Variants in SUCLA2 observed in about 807,000 individuals in gnomAD.
SUCLA2 encodes the protein succinate--CoA ligase [ADP-forming] subunit beta, mitochondrial.
A neutral mutation model predicts 54.8 loss-of-function variants in SUCLA2; 30 were observed. The ratio of observed to expected loss-of-function variants is 0.55; its 90% confidence interval spans 0.41 to 0.74. The LOEUF is 0.74. Among genes scored for constraint, SUCLA2 ranks in the 30% least tolerant of loss-of-function variants. SUCLA2 has a pLI of 0.00. For synonymous variants in SUCLA2, 172 were observed against 188.9 expected (o/e 0.91, Z 0.74); for missense variants, 476 against 562.9 (o/e 0.85, Z 1.56).
At chr13:47,976,096 T>C (rs1358062821) in intron 4 of SUCLA2, among the ~76,000 whole-genome samples, 1 of 151,770 alleles carries the variant, frequency 6.6e-6, no homozygotes, top group African/African-American at 2.4e-5. Context: ...AAATTTAAAA[T>C]TAAAAAAAAA....
intron 5 of SUCLA2, among the ~76,000 whole-genome samples, chr13:47,970,696 C>T (rs1369566687): frequency 2.0e-5 from 3 of 151,992 alleles, no homozygotes; most frequent in African/African-American, 7.2e-5. Flanking sequence ...CCCATCTCTA[C>T]TAAAAATACA....
intron 6 of SUCLA2, 39 bp downstream of exon 6, chr13:47,968,556 T>C (rs1350719920): frequency 6.2e-7 from 1 of 1,608,830 alleles, no homozygotes; most frequent in Non-Finnish European, 8.5e-7. Context: ...ATTAGAGAAA[T>C]AAATGCATAA....
intron 6 of SUCLA2, among the ~76,000 whole-genome samples, chr13:47,965,926 T>C (rs1414309012): frequency 6.6e-6 from 1 of 152,138 alleles, no homozygotes; most frequent in East Asian, 1.9e-4. Context: ...TGAGCACCTG[T>C]AGTCCCAGCT....
chr13:47,943,165 G>A lies in SUCLA2; in HGVS notation c.*206C>T, dbSNP rs556220566. ...AGACTGGCTGCGACAAAAGAAAGAAGATAACTGCATTATACATGCTTCGTA... is the reference window on the plus strand; with the variant it reads ...AGACTGGCTGCGACAAAAGAAAGAAAATAACTGCATTATACATGCTTCGTA... On this transcript the variant is annotated 3_prime_UTR_variant, in exon 11 of 11. Transcript: ENST00000646932. The A allele has an allele frequency of 1.8e-6, 1 of 545,206 alleles. No homozygotes were observed. Among genetic ancestry groups the A allele is most frequent in the East Asian group, 3.1e-5 (1 of 32,514 alleles). 33.8% of individuals were successfully genotyped at this position (545,206 alleles called of 1,614,324 possible).
intron 10 of SUCLA2, chr13:47,945,687 A>ACACACACACACACAC (rs1491447315): frequency 6.3e-5 from 1 of 15,906 alleles, no homozygotes; most frequent in African/African-American, 1.4e-4. Flanking sequence ...CACACACACA[A>ACACACACACACACAC]AGTCCCCCCC....
intron 6 of SUCLA2, among the ~76,000 whole-genome samples, chr13:47,963,747 C>G (rs1239828864): frequency 6.6e-6 from 1 of 152,096 alleles, no homozygotes; most frequent in Admixed American, 6.5e-5. Context: ...CTTCTTGGTT[C>G]TGTTTGTTGA....
chr13:47,947,071 C>G (rs1481709113), intron 10 of SUCLA2, among the ~76,000 whole-genome samples: 1 of 152,070 alleles, frequency 6.6e-6, no homozygotes, highest in East Asian at 1.9e-4. Context: ...TAAAGATGAG[C>G]CTGAAACATT....
At position 47,988,514 on chromosome 13, in the gene SUCLA2, G is replaced by A. The variant is rs187268157; in HGVS notation, c.534+27C>T. 1,116 of 1,610,372 alleles carry A rather than the reference G, an allele frequency of 6.9e-4. 5 individuals are homozygous for A. In the African/African-American group the frequency reaches 0.013, roughly 18 times the overall value. ...AAATTGAATGTCATAAATTTATCCC[G>A]TATGTATCATGTCTACAATTACTCA... On this transcript the variant is annotated intron_variant, in intron 4 of 10. Transcript: ENST00000646932.
At chr13:47,991,341 C>G (rs1309037266) in intron 2 of SUCLA2, among the ~76,000 whole-genome samples, 2 of 152,190 alleles carry the variant, frequency 1.3e-5, no homozygotes, top group Non-Finnish European at 2.9e-5. Flanking sequence ...TGGGCATGTT[C>G]CTGCCTTCAG....
chr13:47,991,377 C>G (rs1950147990), intron 2 of SUCLA2: 1 of 152,230 alleles, frequency 6.6e-6, no homozygotes, highest in African/African-American at 2.4e-5. Flanking sequence ...CACCCTCTGC[C>G]TAGAATACTC....
At chr13:47,951,842 CTCTT>C (rs1429139771) in intron 8 of SUCLA2, among the ~76,000 whole-genome samples, 16 of 152,174 alleles carry the variant, frequency 1.1e-4, no homozygotes, top group Non-Finnish European at 1.9e-4. Context: ...TACATTCACT[CTCTT>C]TATTTTCAAA....
intron 2 of SUCLA2, among the ~76,000 whole-genome samples, chr13:47,995,620 C>T (rs1031589688): frequency 2.6e-5 from 4 of 152,022 alleles, no homozygotes; most frequent in Admixed American, 1.3e-4. Context: ...TGAAAATGCT[C>T]ATCTTTCTTA....
intron 6 of SUCLA2, among the ~76,000 whole-genome samples, chr13:47,957,487 T>C (rs1176407334): frequency 6.6e-6 from 1 of 152,118 alleles, no homozygotes; most frequent in Non-Finnish European, 1.5e-5. Flanking sequence ...TGAGTGTCAG[T>C]CTCTCTCTGG....
chr13:47,967,731 C>A (rs1430739016), intron 6 of SUCLA2, among the ~76,000 whole-genome samples: 1 of 151,708 alleles, frequency 6.6e-6, no homozygotes, highest in Non-Finnish European at 1.5e-5. Context: ...GTAGTCCAAG[C>A]TACTTGGGAG....
intron 2 of SUCLA2, among the ~76,000 whole-genome samples, chr13:47,990,350 G>C (rs762216384): frequency 1.3e-5 from 2 of 152,100 alleles, no homozygotes; most frequent in Non-Finnish European, 2.9e-5. Context: ...TGTCTCAAAA[G>C]AGTAAATGCT....
At chr13:47,988,770 G>A (rs761215778) in intron 3 of SUCLA2, 67 bp from the exon 4 acceptor site, 65 of 1,601,364 alleles carry the variant, frequency 4.1e-5, no homozygotes, top group Non-Finnish European at 5.0e-5. Flanking sequence ...CCACATAATA[G>A]CCAAAATTTT....
At chr13:47,994,428 C>T (rs1950174956) in intron 2 of SUCLA2, among the ~76,000 whole-genome samples, 1 of 151,834 alleles carries the variant, frequency 6.6e-6, no homozygotes, top group Non-Finnish European at 1.5e-5. Context: ...ATTAGCTGGG[C>T]ATGGTGGCGG....
At chr13:47,945,574 T>G (rs913771142) in intron 10 of SUCLA2, among the ~76,000 whole-genome samples, 4 of 151,838 alleles carry the variant, frequency 2.6e-5, no homozygotes, top group Non-Finnish European at 5.9e-5. Flanking sequence ...AAGTGTTCTC[T>G]GATACACATT....
chr13:47,970,388 C>T (rs1039325118), intron 5 of SUCLA2, among the ~76,000 whole-genome samples: 6 of 152,120 alleles, frequency 3.9e-5, no homozygotes, highest in Non-Finnish European at 8.8e-5. Context: ...TCCATGTATT[C>T]TTGTAAATCA....
Sources: allele counts gnomAD v4.1 joint callset (sites outside exome capture counted in the v4.1 genomes callset), GRCh38; gene constraint gnomAD v4.1.1; transcripts MANE v1.5; gene names NCBI Gene and HGNC (gene_info 2026-07-23, HGNC 2026-07-21).